Variants in PI4KA observed in about 807,000 individuals in gnomAD.
PI4KA encodes the protein PI4-kinase alpha.
PI4KA carries 122 observed loss-of-function variants against 271.4 expected under a neutral mutation model. That is an observed-to-expected ratio of 0.45 (90% CI 0.39 to 0.52). The LOEUF is 0.52. Among genes scored for constraint, PI4KA ranks in the 20% least tolerant of loss-of-function variants. The probability of loss-of-function intolerance (pLI) is 0.00; values close to 1 mark genes in which losing one functional copy is unlikely to be tolerated. For missense variants in PI4KA, 1,969 were observed against 2,769.1 expected (o/e 0.71, Z 6.48); for synonymous variants, 1,041 against 1,078.8 (o/e 0.96, Z 0.69).
chr22:20,830,791 G>C (rs1284012444), intron 3 of PI4KA, among the ~76,000 whole-genome samples: 2 of 151,980 alleles, frequency 1.3e-5, no homozygotes, highest in Non-Finnish European at 2.9e-5. Context: ...CTTTTTTTGA[G>C]ACAGAGTTTC....
rs748354225 is a variant in PI4KA at position 20,799,197 on chromosome 22, T to C, written c.1900A>G (p.Met634Val). 3 of 1,600,762 alleles carry C rather than the reference T, an allele frequency of 1.9e-6. No homozygotes were observed. Among genetic ancestry groups the C allele is most frequent in the South Asian group, 1.1e-5 (1 of 88,512 alleles). Residue 634 changes from methionine to valine, a missense_variant, in exon 16 of 55, where the codon ATG (methionine) becomes GTG (valine). This residue lies in a region of PI4KA where 228 missense variants were observed against 261.6 expected (regional missense o/e 0.87). Coordinates refer to ENST00000255882, the MANE Select transcript of PI4KA (RefSeq NM_058004.4). Reference protein sequence around the residue: ...AVALRDTPKVMEPILQILQQK... With the variant: ...AVALRDTPKVVEPILQILQQK... ...TGTAGGATCTGCAGAATGGGCTCCA[T>C]GACCTTCGGGGTGTCCCTCAAGGCC...
At chr22:20,817,941 A>G (rs1191033297) in intron 7 of PI4KA, among the ~76,000 whole-genome samples, 2 of 151,832 alleles carry the variant, frequency 1.3e-5, no homozygotes, top group African/African-American at 2.4e-5. Context: ...CCTGGCCACC[A>G]TGGTGAAACC....
chr22:20,834,744 A>G (rs988461475), intron 2 of PI4KA, 89 bp from the exon 3 acceptor site: 1 of 751,802 alleles, frequency 1.3e-6, no homozygotes, highest in Non-Finnish European at 2.3e-6. Flanking sequence ...AAAGCAAAGC[A>G]TATCCACATC....
intron 10 of PI4KA, among the ~76,000 whole-genome samples, chr22:20,806,090 G>T (rs896496610): frequency 2.0e-5 from 3 of 152,118 alleles, no homozygotes; most frequent in African/African-American, 7.2e-5. Flanking sequence ...CCTTCTTAGG[G>T]AGTTTCAACC....
chr22:20,855,723 T>G (rs535593689), intron 1 of PI4KA, among the ~76,000 whole-genome samples: 3 of 152,338 alleles, frequency 2.0e-5, no homozygotes, highest in Non-Finnish European at 4.4e-5. Context: ...GGAAAGTCCA[T>G]TAGAGAATCA....
intron 19 of PI4KA, among the ~76,000 whole-genome samples, chr22:20,783,013 T>C (rs1287685007): frequency 2.0e-5 from 3 of 152,082 alleles, no homozygotes; most frequent in African/African-American, 4.8e-5. Flanking sequence ...TGTTTCCTCA[T>C]ATGTAAAAGA....
intron 7 of PI4KA, 120 bp from the exon 8 acceptor site, chr22:20,813,626 C>A (rs1921362059): frequency 2.6e-6 from 2 of 778,210 alleles, no homozygotes; most frequent in South Asian, 1.8e-5. Context: ...TATCCCAATT[C>A]TCTGCATGTT....
intron 4 of PI4KA, among the ~76,000 whole-genome samples, chr22:20,823,891 G>C (rs1888331326): frequency 6.6e-6 from 1 of 152,152 alleles, no homozygotes; most frequent in Admixed American, 6.6e-5. Context: ...AGTGAGCCAA[G>C]ATTGCACCAC....
intron 32 of PI4KA, among the ~76,000 whole-genome samples, chr22:20,736,146 G>C (rs941204947): frequency 6.6e-6 from 1 of 152,134 alleles, no homozygotes; most frequent in Non-Finnish European, 1.5e-5. Context: ...GGCAAGGAGG[G>C]GATATCTGAG....
At chr22:20,849,541 C>A (rs1926694180) in intron 1 of PI4KA, among the ~76,000 whole-genome samples, 1 of 151,972 alleles carries the variant, frequency 6.6e-6, no homozygotes, top group South Asian at 2.1e-4. Flanking sequence ...CATGGATGAA[C>A]CTTGAAAATA....
At position 20,779,982 on chromosome 22, in the gene PI4KA, C is replaced by T. The variant is rs775676840; in HGVS notation, c.2328+13211G>A. The T allele has an allele frequency of 3.1e-6, 5 of 1,614,046 alleles. No homozygotes were observed. The African/African-American group carries it at 6.7e-5, about 22-fold the overall frequency. On this transcript the variant is annotated intron_variant, in intron 19 of 54. Transcript: ENST00000255882. ...GTACACACTGCGGTCAGTCAATGAC[C>T]TTTATATCCAGAAGCAGTTTCCAAT...
At chr22:20,710,664 C>A (rs770969230) in intron 52 of PI4KA, 35 bp downstream of exon 52, 21 of 1,611,978 alleles carry the variant, frequency 1.3e-5, no homozygotes, top group Admixed American at 1.0e-4. Flanking sequence ...CCACACACCC[C>A]CTCCGCCTCC....
At chr22:20,733,156 A>G (rs1448607648) in intron 35 of PI4KA, 58 bp from the exon 36 acceptor site, 29 of 1,595,270 alleles carry the variant, frequency 1.8e-5, no homozygotes, top group Non-Finnish European at 2.3e-5. Flanking sequence ...ACTAGAGGCC[A>G]GTCACACAAA....
intron 43 of PI4KA, among the ~76,000 whole-genome samples, chr22:20,720,137 A>G (rs893903346): frequency 6.6e-6 from 1 of 152,058 alleles, no homozygotes; most frequent in Non-Finnish European, 1.5e-5. Context: ...AAAGATGTGC[A>G]TAACTCACTG....
chr22:20,720,955 CTA>C (rs1417033192), intron 43 of PI4KA, among the ~76,000 whole-genome samples: 1 of 152,226 alleles, frequency 6.6e-6, no homozygotes, highest in Non-Finnish European at 1.5e-5. Context: ...TGAGGCTGTG[CTA>C]TTTGGGAACC....
intron 1 of PI4KA, among the ~76,000 whole-genome samples, chr22:20,850,688 C>T (rs905321517): frequency 2.0e-5 from 3 of 151,876 alleles, no homozygotes; most frequent in East Asian, 3.9e-4. Flanking sequence ...CCGCCCGCCT[C>T]GGCCTCCCAA....
At chr22:20,764,716 T>G (rs1385930627) in intron 22 of PI4KA, 101 bp downstream of exon 22, 3 of 1,287,602 alleles carry the variant, frequency 2.3e-6, no homozygotes, top group Admixed American at 2.6e-5. Flanking sequence ...TTTGCATGTC[T>G]TGGGAGAAGT....
At chr22:20,786,238 A>G (rs902155915) in intron 19 of PI4KA, 2 of 1,357,930 alleles carry the variant, frequency 1.5e-6, no homozygotes, top group African/African-American at 1.4e-5. Flanking sequence ...CCACCCCCCA[A>G]TCTCATGTCC....
At chr22:20,747,523 C>A (rs1236308080) in intron 29 of PI4KA, 60 bp downstream of exon 29, 2 of 1,587,078 alleles carry the variant, frequency 1.3e-6, no homozygotes, top group South Asian at 1.1e-5. Flanking sequence ...CTAAGCCTTC[C>A]CCTGCACTGT....
Sources: gnomAD v4.1 joint callset for allele counts (sites outside exome capture counted in the v4.1 genomes callset) on GRCh38, gnomAD v4.1.1 for gene constraint, gnomAD v4.1.1 regional missense constraint, MANE v1.5 for transcripts, NCBI Gene and HGNC (gene_info 2026-07-23, HGNC 2026-07-21) for gene names.